Variants in ANK3 observed in about 807,000 individuals in gnomAD.
ANK3 encodes the protein ankyrin-3.
A neutral mutation model predicts 370.9 loss-of-function variants in ANK3; 57 were observed. The observed-to-expected ratio is 0.15, with a 90% CI of 0.12 to 0.19. The LOEUF (loss-of-function observed/expected upper bound fraction) is 0.19. ANK3 is among the 10% of genes least tolerant of loss of function. The pLI, the probability that ANK3 is intolerant of heterozygous loss-of-function variation, is 1.00. For missense variants in ANK3, 4,439 were observed against 5,302.1 expected (o/e 0.84, Z 5.06); for synonymous variants, 1,929 against 1,946.3 (o/e 0.99, Z 0.23).
intron 1 of ANK3, among the ~76,000 whole-genome samples, chr10:60,715,600 G>A (rs1037511127): frequency 6.6e-6 from 1 of 152,118 alleles, no homozygotes; most frequent in Non-Finnish European, 1.5e-5. Context: ...ACAGCAAGAG[G>A]AGTAACTTCT....
At position 60,193,858 on chromosome 10, in the gene ANK3, C is replaced by T. The variant is rs534116863; in HGVS notation, c.1887+2287G>A. Among the ~76,000 whole-genome samples, 3 of 151,882 alleles carry T rather than the reference C, an allele frequency of 2.0e-5. No individual in the cohort carries two copies. The East Asian group carries it at 5.9e-4, about 30-fold the overall frequency. On this transcript the variant is annotated intron_variant, in intron 16 of 43. Coordinates refer to ENST00000280772, the MANE Select transcript of ANK3 (RefSeq NM_020987.5). ...AGTAGGGGCTGGGCAAGGTAGCTCA[C>T]CCCTGTAATCCCAGTACTTTGGGAG...
At chr10:60,175,140 C>G (rs1262661090) in intron 18 of ANK3, among the ~76,000 whole-genome samples, 1 of 152,200 alleles carries the variant, frequency 6.6e-6, no homozygotes, top group Non-Finnish European at 1.5e-5. Context: ...CCCTATCCTC[C>G]TCATCCCCCA....
intron 2 of ANK3, among the ~76,000 whole-genome samples, chr10:60,403,562 G>A (rs2063394171): frequency 1.3e-5 from 2 of 152,162 alleles, no homozygotes; most frequent in Admixed American, 6.5e-5. Flanking sequence ...ACTGACAAAA[G>A]TATTGGCCCT....
At chr10:60,333,549 T>C (rs771751181) in intron 1 of ANK3, among the ~76,000 whole-genome samples, 2 of 152,222 alleles carry the variant, frequency 1.3e-5, no homozygotes, top group African/African-American at 2.4e-5. Context: ...CAGTCTAACA[T>C]TGATGGGCAT....
chr10:60,102,568 A>T (rs1305049470), intron 28 of ANK3, among the ~76,000 whole-genome samples: 1 of 152,144 alleles, frequency 6.6e-6, no homozygotes, highest in African/African-American at 2.4e-5. Flanking sequence ...GGGGCAAATT[A>T]TCCTGCTCCT....
intron 7 of ANK3, among the ~76,000 whole-genome samples, chr10:60,244,947 A>G (rs946265879): frequency 6.6e-6 from 1 of 152,140 alleles, no homozygotes; most frequent in South Asian, 2.1e-4. Flanking sequence ...AGGCGGGCGG[A>G]TCATGAGGTC....
At chr10:60,088,472 C>T (rs955255100) in intron 28 of ANK3, 114 bp from the exon 29 acceptor site, 10 of 936,930 alleles carry the variant, frequency 1.1e-5, no homozygotes, top group Non-Finnish European at 1.6e-5. Flanking sequence ...GTTACCCAGG[C>T]TGAAGTGCAA....
chr10:60,278,765 T>C lies in ANK3; in HGVS notation c.414+9A>G, dbSNP rs763411776. ...ACAAAATGTCTGTGGCATGGAGTTG[T>C]AGGCTTACCTGAGATTGTGCATTGA... is the stretch of plus-strand genomic sequence containing the variant. On this transcript the variant is annotated intron_variant, in intron 4 of 43. Coordinates refer to ENST00000280772, the MANE Select transcript of ANK3 (RefSeq NM_020987.5). 3 of 1,609,166 alleles carry C rather than the reference T, an allele frequency of 1.9e-6. No individual in the cohort carries two copies. The highest frequency in any genetic ancestry group is 1.3e-5 in the African/African-American group (1 of 74,814).
chr10:60,113,174 C>T (rs974646214), intron 26 of ANK3, among the ~76,000 whole-genome samples: 1 of 152,032 alleles, frequency 6.6e-6, no homozygotes, highest in Admixed American at 6.6e-5. Flanking sequence ...ACAGCACTTC[C>T]AGTGTAGACA....
At chr10:60,418,016 T>A (rs1360235536) in intron 2 of ANK3, among the ~76,000 whole-genome samples, 1 of 152,198 alleles carries the variant, frequency 6.6e-6, no homozygotes, top group African/African-American at 2.4e-5. Flanking sequence ...TACATCTGAC[T>A]AATAAGAAAG....
chr10:60,632,121 A>T (rs2078492011), intron 1 of ANK3, among the ~76,000 whole-genome samples: 2 of 152,154 alleles, frequency 1.3e-5, no homozygotes, highest in South Asian at 4.1e-4. Context: ...CTAACTTCAA[A>T]CCCTGTATCT....
chr10:60,032,743 ATTTTT>A (rs372765298), intron 43 of ANK3, among the ~76,000 whole-genome samples: 8 of 151,976 alleles, frequency 5.3e-5, no homozygotes, highest in Admixed American at 1.3e-4. Context: ...GTTTTGGGTG[ATTTTT>A]TTTAAGTGGG....
intron 2 of ANK3, among the ~76,000 whole-genome samples, chr10:60,395,975 CA>C (rs2063230450): frequency 6.6e-6 from 1 of 152,140 alleles, no homozygotes; most frequent in Admixed American, 6.6e-5. Flanking sequence ...CTTACAATTT[CA>C]CAAGTGACCC....
chr10:60,710,148 C>A (rs2079683236), intron 1 of ANK3, among the ~76,000 whole-genome samples: 2 of 152,078 alleles, frequency 1.3e-5, no homozygotes, highest in South Asian at 4.1e-4. Flanking sequence ...TACATAAGAA[C>A]TATAAGAGAG....
rs1279549253 is a variant in ANK3, at chr10:60,310,085, C to A, written c.115-30446G>T. On this transcript the variant is annotated intron_variant, in intron 1 of 43. Coordinates refer to ENST00000280772, the MANE Select transcript of ANK3 (RefSeq NM_020987.5). ...GGAGTACAGTTATGTGCCACTATAC[C>A]CAGCTAATTTTTTATTTTTTGTAGA... Among the ~76,000 whole-genome samples the A allele has an allele frequency of 2.0e-5, 3 of 151,814 alleles. 1 individual carries two copies. In the South Asian group the frequency reaches 6.3e-4, roughly 32 times the overall value.
At chr10:60,065,867 C>T (rs1041501163) in intron 38 of ANK3, among the ~76,000 whole-genome samples, 9 of 152,112 alleles carry the variant, frequency 5.9e-5, no homozygotes, top group African/African-American at 1.7e-4. Flanking sequence ...AAACCACCAT[C>T]ATAAGGTACA....
rs1567003992 is a variant in ANK3, at chr10:60,395,549, C to CT, written c.97-115911_97-115910insA. 3.4e-5 allele frequency among the ~76,000 whole-genome samples: 4 copies of CT among 119,004 alleles called. No individual in the cohort carries two copies. In the East Asian group the frequency reaches 1.1e-3, roughly 31 times the overall value. 78.1% of individuals were successfully genotyped at this position (119,004 alleles called of 152,430 possible). ...GAACACTTAGCAATCAACTACTATG[C>CT]CTCTTTCTTTCTTTCTTTCTTTCTT... On this transcript the variant is annotated intron_variant, in intron 2 of 43. Transcript: ENST00000373827.
intron 8 of ANK3, among the ~76,000 whole-genome samples, chr10:60,227,672 T>G (rs1592076771): frequency 6.6e-6 from 1 of 152,084 alleles, no homozygotes; most frequent in African/African-American, 2.4e-5. Flanking sequence ...GTCCTCCAAT[T>G]TTTTTCTTCC....
chr10:60,551,692 T>C (rs1040644246), intron 2 of ANK3, among the ~76,000 whole-genome samples: 1 of 152,160 alleles, frequency 6.6e-6, no homozygotes. Flanking sequence ...CACACAAACT[T>C]TCAAATTTAG....
Sources: allele counts gnomAD v4.1 joint callset (sites outside exome capture counted in the v4.1 genomes callset), GRCh38; gene constraint gnomAD v4.1.1; transcripts MANE v1.5; gene names NCBI Gene and HGNC (gene_info 2026-07-23, HGNC 2026-07-21).